The following ZBTB20 variants were observed in gnomAD, a reference collection of about 807,000 sequenced individuals.
ZBTB20 encodes zinc finger and BTB domain-containing protein 20.
ZBTB20 carries 9 observed loss-of-function variants against 56.9 expected under a neutral mutation model. That is an observed-to-expected ratio of 0.16 (90% CI 0.10 to 0.28). The LOEUF (loss-of-function observed/expected upper bound fraction) is 0.28, where lower values mean the gene tolerates loss of function less well. Ranked by LOEUF, ZBTB20 falls within the 10% of genes least tolerant of loss-of-function variation. The probability of loss-of-function intolerance (pLI) is 1.00; values close to 1 mark genes in which losing one functional copy is unlikely to be tolerated. For synonymous variants in ZBTB20, 417 were observed against 420.7 expected, an observed-to-expected ratio of 0.99 and a Z score of 0.11; for missense variants, 655 against 1,003.0, an observed-to-expected ratio of 0.65 and a Z score of 4.69.
At chr3:114,786,720 GA>G (rs1160562147) in intron 5 of ZBTB20, among the ~76,000 whole-genome samples, 1 of 150,854 alleles carries the variant, frequency 6.6e-6, no homozygotes, top group Non-Finnish European at 1.5e-5. Flanking sequence ...GTGGCTAAAA[GA>G]AAAAAAGTAT....
At chr3:115,112,841 C>A (rs757922844) in intron 1 of ZBTB20, among the ~76,000 whole-genome samples, 1 of 152,112 alleles carries the variant, frequency 6.6e-6, no homozygotes, top group Admixed American at 6.5e-5. Context: ...ATAGAGAGAT[C>A]TGTTTTTCAT....
chr3:115,112,645 G>A lies in ZBTB20; in HGVS notation c.-703+34574C>T, dbSNP rs1047842716. Reference sequence around the variant, plus strand: ...GCAAATGACATTCCTTCTGTCTTACGGCCAAATAGTATTTCATTGTGTGTA... The same window carrying A: ...GCAAATGACATTCCTTCTGTCTTACAGCCAAATAGTATTTCATTGTGTGTA... On this transcript the variant is annotated intron_variant, in intron 1 of 11. Transcript: ENST00000675478. Among the ~76,000 whole-genome samples, 7 of 152,142 alleles carry A rather than the reference G, an allele frequency of 4.6e-5. No homozygotes were observed. In the East Asian group the frequency reaches 9.6e-4, roughly 21 times the overall value.
At chr3:114,655,504 G>A (rs1264147357) in intron 6 of ZBTB20, among the ~76,000 whole-genome samples, 2 of 150,580 alleles carry the variant, frequency 1.3e-5, no homozygotes, top group African/African-American at 2.4e-5. Context: ...CACCCGCCTC[G>A]GCCTCCCAAA....
intron 3 of ZBTB20, among the ~76,000 whole-genome samples, chr3:114,921,311 T>C (rs1214896035): frequency 5.3e-5 from 8 of 151,956 alleles, no homozygotes; most frequent in Admixed American, 5.2e-4. Context: ...TTAGTAGAGA[T>C]GGGGTTTCAC....
chr3:114,523,444 T>A (rs960936743), intron 6 of ZBTB20, among the ~76,000 whole-genome samples: 7 of 152,154 alleles, frequency 4.6e-5, no homozygotes, highest in Non-Finnish European at 8.8e-5. Context: ...CTAGGGAGTA[T>A]GGTTTATAAG....
At chr3:115,052,686 T>G (rs1317168179) in intron 2 of ZBTB20, among the ~76,000 whole-genome samples, 2 of 152,196 alleles carry the variant, frequency 1.3e-5, no homozygotes, top group Non-Finnish European at 2.9e-5. Context: ...AAAAGTGAGC[T>G]AATTTAAGAA....
At chr3:114,459,521 T>C (rs2092223630) in intron 7 of ZBTB20, among the ~76,000 whole-genome samples, 2 of 152,180 alleles carry the variant, frequency 1.3e-5, no homozygotes, top group Admixed American at 6.5e-5. Flanking sequence ...GGACAAGGTC[T>C]TTCCATTCTA....
intron 6 of ZBTB20, among the ~76,000 whole-genome samples, chr3:114,557,313 A>G (rs1451685734): frequency 6.6e-6 from 1 of 151,992 alleles, no homozygotes; most frequent in Non-Finnish European, 1.5e-5. Context: ...TTAAAACAGC[A>G]CAAGAACCTG....
chr3:114,956,375 C>T (rs973137077), intron 3 of ZBTB20, among the ~76,000 whole-genome samples: 4 of 152,188 alleles, frequency 2.6e-5, no homozygotes. Flanking sequence ...TGACCAAACC[C>T]TGTTCTGCAG....
chr3:114,777,261 G>A (rs1416845208), intron 5 of ZBTB20, among the ~76,000 whole-genome samples: 1 of 152,150 alleles, frequency 6.6e-6, no homozygotes, highest in Non-Finnish European at 1.5e-5. Context: ...GCTCACACCT[G>A]TAATCCCAGC....
At chr3:114,392,090 C>A (rs1465703901) in intron 7 of ZBTB20, among the ~76,000 whole-genome samples, 1 of 152,084 alleles carries the variant, frequency 6.6e-6, no homozygotes, top group Non-Finnish European at 1.5e-5. Flanking sequence ...AACAAGGAAG[C>A]AAAGTTTTCT....
At chr3:114,692,110 C>A (rs983470921) in intron 6 of ZBTB20, among the ~76,000 whole-genome samples, 23 of 152,202 alleles carry the variant, frequency 1.5e-4, no homozygotes, top group African/African-American at 5.1e-4. Context: ...AAGAAACTGG[C>A]TTGTTTGCAA....
At chr3:114,851,520 T>C (rs559519627) in intron 4 of ZBTB20, among the ~76,000 whole-genome samples, 1 of 152,248 alleles carries the variant, frequency 6.6e-6, no homozygotes. Context: ...ATTTCCCCAT[T>C]GTATTTCCAA....
intron 10 of ZBTB20, among the ~76,000 whole-genome samples, chr3:114,359,004 T>C (rs2081528459): frequency 6.6e-6 from 1 of 152,190 alleles, no homozygotes; most frequent in South Asian, 2.1e-4. Context: ...ATGTAGGACC[T>C]CATGGTATGC....
chr3:114,572,125 C>T lies in ZBTB20; in HGVS notation c.-294-71734G>A, dbSNP rs369798584. 1.3e-4 allele frequency among the ~76,000 whole-genome samples: 20 copies of T among 152,284 alleles called. 1 individual carries two copies. The highest frequency in any genetic ancestry group is 4.1e-4 in the African/African-American group (17 of 41,564). ...TCTTTCAGATGAGAAAACTGAAATT[C>T]AGAGAGACTTAGTAACTTGTTCTGG... On this transcript the variant is annotated intron_variant, in intron 6 of 11. Coordinates refer to ENST00000675478, the MANE Select transcript of ZBTB20 (RefSeq NM_001348800.3).
In ZBTB20 at chr3:114,977,313, A is replaced by G. The variant is rs115816495; in HGVS notation, c.-506-2897T>C. On this transcript the variant is annotated intron_variant, in intron 2 of 11. Coordinates refer to ENST00000675478, the MANE Select transcript of ZBTB20 (RefSeq NM_001348800.3). ...ACTAAAATGATGTTTAGTAGTTTTG[A>G]TGCTTTAAAGCTAGCTCAAAACAAT... 5.0e-3 allele frequency among the ~76,000 whole-genome samples: 767 copies of G among 152,360 alleles called. 2 individuals are homozygous for G. Among genetic ancestry groups the G allele is most frequent in the African/African-American group, 0.017 (724 of 41,590 alleles).
chr3:114,831,048 C>T (rs1351081430), intron 4 of ZBTB20, among the ~76,000 whole-genome samples: 1 of 150,688 alleles, frequency 6.6e-6, no homozygotes, highest in Non-Finnish European at 1.5e-5. Context: ...AAATCCCTTC[C>T]CCCCATACCT....
At chr3:114,471,169 T>C (rs1012561860) in intron 7 of ZBTB20, among the ~76,000 whole-genome samples, 1 of 152,190 alleles carries the variant, frequency 6.6e-6, no homozygotes, top group Non-Finnish European at 1.5e-5. Flanking sequence ...CAATTGAAGT[T>C]GTTGAGGGGA....
chr3:114,497,540 A>C (rs865830189), intron 7 of ZBTB20, among the ~76,000 whole-genome samples: 1 of 152,004 alleles, frequency 6.6e-6, no homozygotes, highest in African/African-American at 2.4e-5. Context: ...CTGCTCTTTC[A>C]TATCTACCTG....
Sources: allele counts gnomAD v4.1 joint callset (sites outside exome capture counted in the v4.1 genomes callset), GRCh38; gene constraint gnomAD v4.1.1; transcripts MANE v1.5; gene names NCBI Gene and HGNC (gene_info 2026-07-23, HGNC 2026-07-21).